The following PTPRT variants were observed in gnomAD, a reference collection of about 807,000 sequenced individuals.
PTPRT encodes the protein protein tyrosine phosphatase receptor type T.
In PTPRT, 56 loss-of-function variants were observed where a neutral mutation model predicts 176.8. The observed-to-expected ratio is 0.32, with a 90% confidence interval of 0.26 to 0.40. PTPRT has a LOEUF of 0.40. Ranked by LOEUF, PTPRT falls within the 10% of genes least tolerant of loss-of-function variation. The probability of loss-of-function intolerance (pLI) is 1.00; values close to 1 mark genes in which losing one functional copy is unlikely to be tolerated. For synonymous variants in PTPRT, 783 were observed against 739.0 expected (o/e 1.06, Z -0.96); for missense variants, 1,540 against 1,908.2 (o/e 0.81, Z 3.60).
chr20:42,267,475 G>A (rs896819803), intron 13 of PTPRT, among the ~76,000 whole-genome samples: 9 of 152,116 alleles, frequency 5.9e-5, no homozygotes, highest in African/African-American at 9.6e-5. Flanking sequence ...CTTTTCTCAC[G>A]TGACTCTAAG....
At position 42,110,369 on chromosome 20, in the gene PTPRT, T is replaced by C. The variant is rs765002162; in HGVS notation, c.3218A>G (p.Asn1073Ser). The change falls in exon 23 of 31, where the codon AAC becomes AGC. Residue 1073 changes from asparagine (N) to serine (S), a missense_variant. Asn to Ser is a conservative substitution (Grantham distance 46). Coordinates refer to ENST00000373187, the MANE Select transcript of PTPRT (RefSeq NM_007050.6). ...LGFVRQVKFL[N>S]PPEAGPIVVH... Reference sequence around the variant, plus strand: ...CACTATGGGCCCAGCTTCCGGGGGGTTGAGGAACTTGACCTGGCGGACGAA... The same window carrying C: ...CACTATGGGCCCAGCTTCCGGGGGGCTGAGGAACTTGACCTGGCGGACGAA... 2.1e-5 allele frequency: 34 copies of C among 1,612,092 alleles called. No homozygotes were observed. In the Admixed American group the frequency reaches 3.7e-4, roughly 17 times the overall value.
chr20:42,151,347 C>T (rs749800287), intron 17 of PTPRT, among the ~76,000 whole-genome samples: 25 of 152,148 alleles, frequency 1.6e-4, no homozygotes, highest in Admixed American at 5.9e-4. Context: ...GTCATATTCC[C>T]GTGTCCATGT....
chr20:42,525,072 G>A (rs1045551091), intron 7 of PTPRT, among the ~76,000 whole-genome samples: 2 of 152,188 alleles, frequency 1.3e-5, no homozygotes, highest in Non-Finnish European at 2.9e-5. Flanking sequence ...ACCGCAGCCT[G>A]TACCTCCCGG....
chr20:42,463,257 C>A (rs1253382481), intron 8 of PTPRT, among the ~76,000 whole-genome samples: 1 of 152,028 alleles, frequency 6.6e-6, no homozygotes, highest in African/African-American at 2.4e-5. Context: ...TTCTGTATCC[C>A]TTTTCCATTC....
At chr20:42,931,780 CTG>C (rs1383887266) in intron 1 of PTPRT, among the ~76,000 whole-genome samples, 2 of 152,192 alleles carry the variant, frequency 1.3e-5, no homozygotes, top group African/African-American at 4.8e-5. Context: ...TTCTTTGTAA[CTG>C]GACACCAGGC....
intron 15 of PTPRT, among the ~76,000 whole-genome samples, chr20:42,226,499 C>A (rs116457506): frequency 0.037 from 5,700 of 152,244 alleles, 336 homozygotes; most frequent in African/African-American, 0.13. Context: ...TAAAAACAAA[C>A]AAAATGCAAT....
chr20:43,025,888 A>C (rs1365612115), intron 1 of PTPRT, among the ~76,000 whole-genome samples: 1 of 152,072 alleles, frequency 6.6e-6, no homozygotes, highest in African/African-American at 2.4e-5. Flanking sequence ...TTGCTTAGGA[A>C]GATGCTACAC....
chr20:43,032,128 A>C (rs980694963), intron 1 of PTPRT, among the ~76,000 whole-genome samples: 1 of 152,158 alleles, frequency 6.6e-6, no homozygotes, highest in Non-Finnish European at 1.5e-5. Flanking sequence ...AAACTAAAGC[A>C]CAGAAACCTG....
intron 7 of PTPRT, among the ~76,000 whole-genome samples, chr20:42,498,157 G>A (rs2071687761): frequency 6.6e-6 from 1 of 152,158 alleles, no homozygotes; most frequent in Admixed American, 6.6e-5. Flanking sequence ...GGTAAGTGAT[G>A]TACTGGAAAG....
At chr20:42,981,342 C>A (rs953809418) in intron 1 of PTPRT, among the ~76,000 whole-genome samples, 2 of 152,318 alleles carry the variant, frequency 1.3e-5, no homozygotes, top group East Asian at 3.9e-4. Flanking sequence ...CATGTAATCA[C>A]CTGCACAGAG....
rs116857005 is a variant in PTPRT at position 42,654,437 on chromosome 20, C to T, written c.1153+23429G>A. ...GGAACAAGGAAGTAGCAACTGGCCA[C>T]AAATGAGAACATCCCACACCAGACA... On this transcript the variant is annotated intron_variant, in intron 7 of 30. Coordinates refer to ENST00000373187, the MANE Select transcript of PTPRT (RefSeq NM_007050.6). 1.6e-3 allele frequency among the ~76,000 whole-genome samples: 244 copies of T among 152,254 alleles called. 5 individuals carry two copies. The highest frequency in any genetic ancestry group is 0.011 in the Admixed American group (174 of 15,296).
intron 16 of PTPRT, among the ~76,000 whole-genome samples, chr20:42,178,893 T>A (rs1056403233): frequency 6.6e-6 from 1 of 152,158 alleles, no homozygotes; most frequent in African/African-American, 2.4e-5. Context: ...AGTAGCTAGC[T>A]TCCCAAGGAA....
intron 14 of PTPRT, among the ~76,000 whole-genome samples, chr20:42,240,722 T>C (rs1352790029): frequency 1.3e-5 from 2 of 149,932 alleles, no homozygotes; most frequent in Admixed American, 6.6e-5. Flanking sequence ...ATCCATCCCA[T>C]CCATCCATCC....
At chr20:42,846,458 C>T (rs1466916116) in intron 2 of PTPRT, among the ~76,000 whole-genome samples, 1 of 152,156 alleles carries the variant, frequency 6.6e-6, no homozygotes, top group Non-Finnish European at 1.5e-5. Context: ...AGATGTTCGC[C>T]ATGGCTGTGG....
intron 13 of PTPRT, among the ~76,000 whole-genome samples, chr20:42,267,190 T>C (rs934087036): frequency 4.6e-5 from 7 of 152,208 alleles, no homozygotes; most frequent in African/African-American, 1.4e-4. Flanking sequence ...ATAAATTACA[T>C]GAGATACTCA....
At chr20:42,936,866 C>T (rs1019431480) in intron 1 of PTPRT, among the ~76,000 whole-genome samples, 7 of 152,142 alleles carry the variant, frequency 4.6e-5, no homozygotes, top group African/African-American at 1.2e-4. Flanking sequence ...TAATTCTAAA[C>T]GAAGTAAAGA....
chr20:42,070,471 C>T (rs893416164), downstream of PTPRT, among the ~76,000 whole-genome samples: 1 of 151,884 alleles, frequency 6.6e-6, no homozygotes, highest in African/African-American at 2.4e-5. Flanking sequence ...GTGGGATGTC[C>T]CTCTCTGCTA....
Position 42,236,261 on chromosome 20 carries a change from A to G in PTPRT, c.2313-3T>C. ...AGGAGTAGGAATAAGCATTTCTTCT[A>G]TATATTGATGGGCAGTCAGATGAAG... On this transcript the variant is annotated splice_polypyrimidine_tract_variant and splice_region_variant and intron_variant, in intron 14 of 30. Coordinates refer to ENST00000373187, the MANE Select transcript of PTPRT (RefSeq NM_007050.6). 2 of 1,597,486 alleles carry G rather than the reference A, an allele frequency of 1.3e-6. No individual in the cohort carries two copies. Among genetic ancestry groups the G allele is most frequent in the Non-Finnish European group, 1.7e-6 (2 of 1,166,044 alleles).
intron 2 of PTPRT, among the ~76,000 whole-genome samples, chr20:42,840,416 A>T (rs1386471780): frequency 1.3e-5 from 2 of 151,648 alleles, no homozygotes; most frequent in Non-Finnish European, 2.9e-5. Context: ...TTTTATTTTC[A>T]TTTTTTTGGT....
Sources: gnomAD v4.1 joint callset for allele counts (sites outside exome capture counted in the v4.1 genomes callset) on GRCh38, gnomAD v4.1.1 for gene constraint, MANE v1.5 for transcripts, NCBI Gene and HGNC (gene_info 2026-07-23, HGNC 2026-07-21) for gene names.